The following CTBP2 variants were observed in gnomAD, a reference collection of about 807,000 sequenced individuals.
CTBP2 encodes C-terminal-binding protein 2.
Under a neutral mutation model 80.3 loss-of-function variants are expected in CTBP2, and 30 were observed. That is an observed-to-expected ratio of 0.37 (90% confidence interval 0.28 to 0.51). The LOEUF (loss-of-function observed/expected upper bound fraction) is 0.51. CTBP2 is among the 20% of genes least tolerant of loss of function. The probability of loss-of-function intolerance (pLI) is 0.93; values close to 1 mark genes in which losing one functional copy is unlikely to be tolerated. For missense variants in CTBP2, 1,212 were observed against 1,375.3 expected (o/e 0.88, Z 1.88); for synonymous variants, 594 against 587.4 (o/e 1.01, Z -0.16).
Position 125,026,782 on chromosome 10 carries a change from G to A in CTBP2, c.978C>T (p.Asp326=), listed in dbSNP as rs201372838. 20 of 1,613,140 alleles carry A rather than the reference G, an allele frequency of 1.2e-5. No homozygotes were observed. Among genetic ancestry groups the A allele is most frequent in the South Asian group, 4.4e-5 (4 of 91,090 alleles). ...TGGGTGCGACAGACTTGATATCCGC[G>A]TCCTCCAGGGTAGCCAGGACGGCCG... Residue 326 remains aspartate, a synonymous_variant, in exon 1 of 9, where the codon GAC becomes GAT. Transcript: ENST00000309035.
At chr10:125,043,819 T>C (rs75535257) in intron 2 of CTBP2, among the ~76,000 whole-genome samples, 3,641 of 152,324 alleles carry the variant, frequency 0.024, 135 homozygotes, top group African/African-American at 0.081. Flanking sequence ...GTGCATGCCT[T>C]TGACAGTGCC....
chr10:125,156,567 T>C (rs1417489971), intron 1 of CTBP2, among the ~76,000 whole-genome samples: 5 of 152,196 alleles, frequency 3.3e-5, no homozygotes, highest in Admixed American at 6.5e-5. Flanking sequence ...TTTCAATCCG[T>C]GAATCTCAAG....
intron 8 of CTBP2, 42 bp downstream of exon 10, chr10:124,992,653 G>T (rs539692752): frequency 1.4e-6 from 2 of 1,471,886 alleles, no homozygotes; most frequent in East Asian, 4.7e-5. Flanking sequence ...CCCCGGGGCC[G>T]TGGTGCTCAC....
chr10:125,144,045 G>A (rs1292109016), intron 1 of CTBP2, among the ~76,000 whole-genome samples: 6 of 152,302 alleles, frequency 3.9e-5, no homozygotes, highest in Admixed American at 3.9e-4. Context: ...AAACCAAGAA[G>A]AGCAATTCCT....
At position 125,066,103 on chromosome 10, in the gene CTBP2, G is replaced by T. The variant is rs933423032; in HGVS notation, c.-101-26948C>A. Among the ~76,000 whole-genome samples, 3 of 151,082 alleles carry T rather than the reference G, an allele frequency of 2.0e-5. No individual in the cohort carries two copies. Among genetic ancestry groups the T allele is most frequent in the Admixed American group, 6.6e-5 (1 of 15,192 alleles). On this transcript the variant is annotated intron_variant, in intron 2 of 10. Coordinates refer to the CTBP2 transcript ENST00000337195. The surrounding 1 kb of genome is among the most constrained non-coding windows in gnomAD (Gnocchi z 4.1). Reference sequence around the variant, plus strand: ...AAAAAAAAGCCGTCATCTTCTTGATGGTGAACTCCCTCTAATGCTCAGGCT... The same window carrying T: ...AAAAAAAAGCCGTCATCTTCTTGATTGTGAACTCCCTCTAATGCTCAGGCT...
rs1026205596 is a variant in CTBP2 at position 125,123,242 on chromosome 10, G to A, written c.-205-12149C>T. Among the ~76,000 whole-genome samples the A allele has an allele frequency of 2.0e-5, 3 of 152,218 alleles. No individual in the cohort carries two copies. The South Asian group carries it at 6.2e-4, about 32-fold the overall frequency. ...AGGGCAACGGGGGGATTCTTGGGCT[G>A]GTACAAATAGAGACCTACCCGTGCT... is the stretch of plus-strand genomic sequence containing the variant. On this transcript the variant is annotated intron_variant, in intron 1 of 10. Transcript: ENST00000337195.
At chr10:124,994,739 G>A in intron 4 of CTBP2, 56 bp from the exon 7 acceptor site, 3 of 1,551,254 alleles carry the variant, frequency 1.9e-6, no homozygotes, top group Non-Finnish European at 2.7e-6. Flanking sequence ...CCCCAGCGCT[G>A]CCACCTCCAT....
chr10:125,021,227 C>G (rs1957007974), intron 1 of CTBP2, among the ~76,000 whole-genome samples: 1 of 152,202 alleles, frequency 6.6e-6, no homozygotes, highest in Admixed American at 6.5e-5. Flanking sequence ...GCTCCAACCT[C>G]AACACACAAG....
At chr10:125,064,919 A>T (rs556665808) in intron 2 of CTBP2, among the ~76,000 whole-genome samples, 1 of 152,146 alleles carries the variant, frequency 6.6e-6, no homozygotes, top group African/African-American at 2.4e-5. Flanking sequence ...CATATTTGGG[A>T]TTTCAGTTTC....
In CTBP2 at chr10:125,072,095, C is replaced by T. The variant is rs902423392; in HGVS notation, c.-101-32940G>A. 5.3e-5 allele frequency among the ~76,000 whole-genome samples: 8 copies of T among 152,208 alleles called. No individual in the cohort carries two copies. In the South Asian group the frequency reaches 1.2e-3, roughly 24 times the overall value. ...ATACATGGCCGGGCACGGTGGCTCA[C>T]GAGGTCAGGAGTTCGAGACCAGCCT... On this transcript the variant is annotated intron_variant, in intron 2 of 10. Coordinates refer to the CTBP2 transcript ENST00000337195.
At chr10:125,051,467 C>T (rs746508619) in intron 2 of CTBP2, among the ~76,000 whole-genome samples, 2 of 152,140 alleles carry the variant, frequency 1.3e-5, no homozygotes, top group Non-Finnish European at 2.9e-5. Flanking sequence ...TGGCAAAACC[C>T]CATCTCTACT....
At chr10:125,134,047 A>G (rs570366414) in intron 1 of CTBP2, among the ~76,000 whole-genome samples, 1 of 152,352 alleles carries the variant, frequency 6.6e-6, no homozygotes, top group East Asian at 1.9e-4. Context: ...TACAGATCAG[A>G]TTTGAAAAGG....
In CTBP2 at chr10:125,012,067, C is replaced by T. The variant is rs77257927; in HGVS notation, c.1679-8575G>A. Among the ~76,000 whole-genome samples, 532 of 152,354 alleles carry T rather than the reference C, an allele frequency of 3.5e-3. 9 individuals carry two copies. The highest frequency in any genetic ancestry group is 0.021 in the Admixed American group (318 of 15,310). Reference sequence around the variant, plus strand: ...GCTGACTCACTGGGCCTGAAAGATCCGTGAAGGGACATCACCAAAAACGGC... The same window carrying T: ...GCTGACTCACTGGGCCTGAAAGATCTGTGAAGGGACATCACCAAAAACGGC... On this transcript the variant is annotated intron_variant, in intron 1 of 8. Coordinates refer to ENST00000309035, the MANE Select transcript of CTBP2 (RefSeq NM_022802.3).
chr10:125,155,122 A>G (rs2133475161), intron 1 of CTBP2, among the ~76,000 whole-genome samples: 1 of 152,348 alleles, frequency 6.6e-6, no homozygotes. Context: ...AAAGCAGATT[A>G]CTGAGAAGAG....
At chr10:125,071,511 G>A (rs1257811281) in intron 2 of CTBP2, among the ~76,000 whole-genome samples, 3 of 152,186 alleles carry the variant, frequency 2.0e-5, no homozygotes, top group Non-Finnish European at 4.4e-5. Context: ...ACAAGGCGAA[G>A]GGGTCCCACC....
rs1413761346 is a variant in CTBP2 at position 125,152,451 on chromosome 10, G to GC, written c.-206+7867dup. On this transcript the variant is annotated intron_variant, in intron 1 of 10. Transcript: ENST00000337195. ...ATCGCAGGGGTTCCAGGCGCCCCAGGCCCCCCACACCGCGAGTCACAGGAA... is the reference window on the plus strand; with the variant it reads ...ATCGCAGGGGTTCCAGGCGCCCCAGGCCCCCCCACACCGCGAGTCACAGGAA... 4.6e-5 allele frequency among the ~76,000 whole-genome samples: 7 copies of GC among 152,196 alleles called. No homozygotes were observed. In the East Asian group the frequency reaches 7.7e-4, roughly 17 times the overall value.
intron 1 of CTBP2, among the ~76,000 whole-genome samples, chr10:125,158,005 T>G (rs1048612673): frequency 6.6e-6 from 1 of 152,204 alleles, no homozygotes; most frequent in Non-Finnish European, 1.5e-5. Context: ...AAAAAAATTC[T>G]GTTTCAACAT....
At chr10:125,132,733 GT>G (rs1356204374) in intron 1 of CTBP2, among the ~76,000 whole-genome samples, 1 of 152,172 alleles carries the variant, frequency 6.6e-6, no homozygotes, top group Admixed American at 6.5e-5. Flanking sequence ...TAAAATATGG[GT>G]TTTCATCTGC....
At chr10:125,052,333 C>G (rs1447708686) in intron 2 of CTBP2, among the ~76,000 whole-genome samples, 1 of 152,228 alleles carries the variant, frequency 6.6e-6, no homozygotes, top group Non-Finnish European at 1.5e-5. Flanking sequence ...GTGGCCATTT[C>G]CCAGCAGTGG....
Sources: gnomAD v4.1 joint callset for allele counts (sites outside exome capture counted in the v4.1 genomes callset) on GRCh38, gnomAD v4.1.1 for gene constraint, Gnocchi (gnomAD v3.1) non-coding constraint, MANE v1.5 for transcripts, NCBI Gene and HGNC (gene_info 2026-07-23, HGNC 2026-07-21) for gene names.